Variants in BROX observed in about 807,000 individuals in gnomAD.
The protein encoded by BROX is BRO1 domain and CAAX motif containing, also known as BRO1 domain-containing protein BROX.
BROX carries 53 observed loss-of-function variants against 61.0 expected under a neutral mutation model. The observed-to-expected ratio is 0.87, with a 90% confidence interval of 0.70 to 1.09. The LOEUF (loss-of-function observed/expected upper bound fraction) is 1.09, where lower values mean the gene tolerates loss of function less well. BROX is among the 50% of genes least tolerant of loss of function. The pLI is 0.00. For missense variants in BROX, 489 were observed against 472.0 expected (o/e 1.04, Z -0.33); for synonymous variants, 152 against 160.2 (o/e 0.95, Z 0.38).
At position 222,732,807 on chromosome 1, in the gene BROX, G is replaced by A; in HGVS notation, c.*93G>A. The A allele has an allele frequency of 9.9e-7, 1 of 1,008,168 alleles. No individual in the cohort carries two copies. The highest frequency in any genetic ancestry group is 1.5e-5 in the South Asian group (1 of 66,586). The allele number at this position is 1,008,168 out of a possible 1,614,324, so 62.5% of individuals were successfully genotyped here. ...TCTCAAAATGATTTCTCTGAAGCTT[G>A]TAGAATAACTATTATATTCAGAGGG... On this transcript the variant is annotated 3_prime_UTR_variant, in exon 13 of 13. Coordinates refer to ENST00000340934, the MANE Select transcript of BROX (RefSeq NM_144695.4).
At chr1:222,725,343 G>A (rs1657422236) in intron 6 of BROX, 107 bp from the exon 7 acceptor site, 4 of 645,500 alleles carry the variant, frequency 6.2e-6, no homozygotes, top group South Asian at 2.3e-5. Flanking sequence ...TTTCTGCTAA[G>A]CCTCCCAGTT....
intron 7 of BROX, 59 bp downstream of exon 7, chr1:222,725,614 C>A: frequency 7.3e-7 from 1 of 1,378,144 alleles, no homozygotes; most frequent in Non-Finnish European, 1.0e-6. Flanking sequence ...TTGAATTCCT[C>A]TTTAAAAATC....
intron 1 of BROX, 139 bp downstream of exon 1, chr1:222,713,081 T>C: frequency 1.9e-6 from 2 of 1,026,578 alleles, no homozygotes; most frequent in Non-Finnish European, 2.3e-6. Context: ...TTCTAGTGCC[T>C]TGAAACAAAC....
chr1:222,714,095 A>T (rs1225287803), intron 1 of BROX: 1 of 151,842 alleles, frequency 6.6e-6, no homozygotes, highest in Non-Finnish European at 1.5e-5. Context: ...CCTTATCAGA[A>T]TTTTTTCTCA....
intron 1 of BROX, chr1:222,713,180 T>G: frequency 5.1e-6 from 5 of 974,012 alleles, no homozygotes; most frequent in Non-Finnish European, 6.1e-6. Flanking sequence ...TCTCCATTGG[T>G]CATTGGAGAG....
intron 5 of BROX, 119 bp downstream of exon 5, chr1:222,722,633 A>G (rs1046966671): frequency 4.2e-6 from 3 of 709,692 alleles, no homozygotes; most frequent in Non-Finnish European, 6.9e-6. Context: ...ATTGCCTTGT[A>G]ATGTTAGTAT....
rs1205866330 is a variant in BROX, at chr1:222,734,802, C to G, written c.*2088C>G. 1 of 152,122 alleles carries G rather than the reference C, an allele frequency of 6.6e-6. No homozygotes were observed. The highest frequency in any genetic ancestry group is 1.5e-5 in the Non-Finnish European group (1 of 68,022). The allele number at this position is 152,122 out of a possible 1,614,324, so 9.4% of individuals were successfully genotyped here. On this transcript the variant is annotated 3_prime_UTR_variant, in exon 13 of 13. Coordinates refer to ENST00000340934, the MANE Select transcript of BROX (RefSeq NM_144695.4). ...CTTATTAATCTACTTACTAAATTTT[C>G]ACATTGACATTTTTGGGGATGATAC...
At chr1:222,718,485 A>G (rs535017324) in intron 2 of BROX, among the ~76,000 whole-genome samples, 2 of 152,326 alleles carry the variant, frequency 1.3e-5, no homozygotes, top group South Asian at 2.1e-4. Context: ...TCAAGGAGAT[A>G]TTAAAATGAT....
In BROX at chr1:222,716,544, CAG is replaced by C. The variant is rs551032001; in HGVS notation, c.101+745_101+746del. On this transcript the variant is annotated intron_variant, in intron 2 of 12. Transcript: ENST00000340934. ...CTTGAATGAATTGTATGGCTTAGAT[CAG>C]GGGTTGGCGAACTGTGTCATATGGA... Among the ~76,000 whole-genome samples the C allele has an allele frequency of 6.6e-5, 10 of 152,308 alleles. No individual in the cohort carries two copies. In the South Asian group the frequency reaches 2.1e-3, roughly 32 times the overall value.
chr1:222,735,138 A>G lies in BROX; in HGVS notation c.*2424A>G, dbSNP rs1230587577. On this transcript the variant is annotated 3_prime_UTR_variant, in exon 13 of 13. Transcript: ENST00000340934. ...AACATGTTACTTCAACTAAAAGTGT[A>G]TAATGGGTTGTCTTTTTATTTATGA... 1 of 152,264 alleles carries G rather than the reference A, an allele frequency of 6.6e-6. No homozygotes were observed. Among genetic ancestry groups the G allele is most frequent in the Non-Finnish European group, 1.5e-5 (1 of 68,040 alleles). The allele number at this position is 152,264 out of a possible 1,614,324, so 9.4% of individuals were successfully genotyped here.
chr1:222,715,840 T>C, intron 2 of BROX, 40 bp downstream of exon 2: 2 of 1,288,664 alleles, frequency 1.6e-6, no homozygotes, highest in South Asian at 2.8e-5. Flanking sequence ...TGCAAGGTAC[T>C]TTTTTTGGTT....
chr1:222,726,933 C>T (rs1657543187), intron 7 of BROX, among the ~76,000 whole-genome samples: 1 of 152,126 alleles, frequency 6.6e-6, no homozygotes, highest in African/African-American at 2.4e-5. Context: ...TAGTGATTCT[C>T]TATGATTAGC....
chr1:222,717,257 G>A (rs909740119), intron 2 of BROX, among the ~76,000 whole-genome samples: 6 of 152,246 alleles, frequency 3.9e-5, no homozygotes, highest in South Asian at 2.1e-4. Context: ...TACAAAAACC[G>A]GTTATAGTTT....
At chr1:222,718,543 GT>G (rs1461703523) in intron 2 of BROX, among the ~76,000 whole-genome samples, 1 of 152,082 alleles carries the variant, frequency 6.6e-6, no homozygotes, top group Non-Finnish European at 1.5e-5. Flanking sequence ...GAACTGCTTA[GT>G]TTTTTATTCT....
chr1:222,717,556 C>T (rs1656725730), intron 2 of BROX, among the ~76,000 whole-genome samples: 1 of 152,142 alleles, frequency 6.6e-6, no homozygotes, highest in Admixed American at 6.6e-5. Context: ...CTGCCTAGTC[C>T]AGGAATTGAA....
chr1:222,729,762 G>A, intron 10 of BROX, 61 bp downstream of exon 10: 3 of 1,473,920 alleles, frequency 2.0e-6, no homozygotes, highest in Non-Finnish European at 2.8e-6. Flanking sequence ...TATCATAAAA[G>A]GGAATATATG....
rs2124994544 is a variant in BROX, at chr1:222,715,694, G to T, written c.-6G>T. ...CTTTTTTGTCTATAGAAAACATCTG[G>T]AGAAAATGACCCATTGGTTTCATAG... On this transcript the variant is annotated 5_prime_UTR_variant, in exon 2 of 13. Transcript: ENST00000340934. The T allele has an allele frequency of 6.8e-7, 1 of 1,462,314 alleles. No individual in the cohort carries two copies. The highest frequency in any genetic ancestry group is 1.6e-5 in the South Asian group (1 of 62,362). The allele number at this position is 1,462,314 out of a possible 1,614,324, so 90.6% of individuals were successfully genotyped here.
intron 1 of BROX, chr1:222,713,293 G>C (rs1039096986): frequency 1.0e-6 from 1 of 986,030 alleles, no homozygotes; most frequent in South Asian, 4.6e-5. Flanking sequence ...TGGAAAGAGG[G>C]GAACTCAAGT....
At chr1:222,721,081 G>A (rs1222556767) in intron 4 of BROX, among the ~76,000 whole-genome samples, 1 of 152,164 alleles carries the variant, frequency 6.6e-6, no homozygotes, top group African/African-American at 2.4e-5. Context: ...AACAAGGCAT[G>A]TTAAATGAAG....
Sources: gnomAD v4.1 joint callset for allele counts (sites outside exome capture counted in the v4.1 genomes callset) on GRCh38, gnomAD v4.1.1 for gene constraint, MANE v1.5 for transcripts, NCBI Gene and HGNC (gene_info 2026-07-23, HGNC 2026-07-21) for gene names.